The following LMF1 variants were observed in gnomAD, a reference collection of about 807,000 sequenced individuals.
LMF1 encodes transmembrane protein 112.
In LMF1, 68 loss-of-function variants were observed where a neutral mutation model predicts 60.6. That is an observed-to-expected ratio of 1.12 (90% CI 0.92 to 1.37). LMF1 has a LOEUF of 1.37. LMF1 is among the 40% of genes most tolerant of loss of function. The probability of loss-of-function intolerance (pLI) is 0.00; values close to 1 mark genes in which losing one functional copy is unlikely to be tolerated. For synonymous variants in LMF1, 418 were observed against 324.7 expected, an observed-to-expected ratio of 1.29 and a Z score of -3.09; for missense variants, 948 against 767.2, an observed-to-expected ratio of 1.24 and a Z score of -2.78.
intron 10 of LMF1, chr16:855,148 G>A (rs905994412): frequency 3.7e-5 from 10 of 268,354 alleles, no homozygotes; most frequent in South Asian, 3.0e-4. Context: ...CAGTCCTGGC[G>A]CAAGGTGCCT....
At chr16:909,461 G>A (rs1034710760) in intron 4 of LMF1, among the ~76,000 whole-genome samples, 2 of 151,726 alleles carry the variant, frequency 1.3e-5, no homozygotes, top group African/African-American at 2.4e-5. Context: ...GCGCTACAGC[G>A]AGCCACGCCA....
chr16:953,990 C>CACCCCA lies in LMF1; in HGVS notation c.503+366_503+367insTGGGGT, dbSNP rs2072587297. ...CCTCCTACATGTCCACACAGACACCCCAAACCAGCCTCCTACACGTCCACA... is the reference window on the plus strand; with the variant it reads ...CCTCCTACATGTCCACACAGACACCCACCCCACAAACCAGCCTCCTACACGTCCACA... On this transcript the variant is annotated intron_variant, in intron 2 of 10. Coordinates refer to ENST00000262301, the MANE Select transcript of LMF1 (RefSeq NM_022773.4). Among the ~76,000 whole-genome samples, 4 of 97,400 alleles carry CACCCCA rather than the reference C, an allele frequency of 4.1e-5. 1 individual carries two copies. The highest frequency in any genetic ancestry group is 6.6e-5 in the Non-Finnish European group (3 of 45,690). 63.9% of individuals were successfully genotyped at this position (97,400 alleles called of 152,430 possible).
At chr16:917,901 C>A (rs990225344) in intron 3 of LMF1, among the ~76,000 whole-genome samples, 9 of 152,228 alleles carry the variant, frequency 5.9e-5, no homozygotes, top group African/African-American at 2.2e-4. Flanking sequence ...CCTCCAGAAC[C>A]GGCCTGAGCT....
intron 10 of LMF1, chr16:856,202 G>A: frequency 2.9e-6 from 1 of 347,826 alleles, no homozygotes; most frequent in Non-Finnish European, 5.7e-6. Flanking sequence ...CTGGGCCCCA[G>A]GGGTCTTTCC....
intron 1 of LMF1, chr16:976,821 A>G (rs750358197): frequency 2.6e-5 from 12 of 454,024 alleles, no homozygotes; most frequent in Non-Finnish European, 4.4e-5. Context: ...CGCTTTGGGC[A>G]TCGCCTGCTC....
intron 6 of LMF1, chr16:872,007 C>A (rs1310262930): frequency 1.3e-5 from 2 of 152,288 alleles, no homozygotes; most frequent in African/African-American, 4.8e-5. Flanking sequence ...TCAGAGGGAC[C>A]CGCTTCTGGA....
intron 3 of LMF1, among the ~76,000 whole-genome samples, chr16:919,562 C>G (rs112200351): frequency 1.3e-5 from 2 of 148,558 alleles, no homozygotes. Flanking sequence ...CCCACAGACC[C>G]GCTCTGGACA....
At position 853,928 on chromosome 16, in the gene LMF1, C is replaced by A. The variant is rs1039748724; in HGVS notation, c.*604G>T. On this transcript the variant is annotated 3_prime_UTR_variant, in exon 11 of 11. Transcript: ENST00000262301. ...CACATGTGTGCACAGGCTGTGTGTGCCTGCATGTGTGGGATGCGTGTAGGC... is the reference window on the plus strand; with the variant it reads ...CACATGTGTGCACAGGCTGTGTGTGACTGCATGTGTGGGATGCGTGTAGGC... 34 of 453,964 alleles carry A rather than the reference C, an allele frequency of 7.5e-5. No homozygotes were observed. The East Asian group carries it at 8.3e-4, about 11-fold the overall frequency. The allele number at this position is 453,964 out of a possible 1,614,324, so 28.1% of individuals were successfully genotyped here.
At chr16:955,053 A>G (rs201381290) in intron 1 of LMF1, among the ~76,000 whole-genome samples, 14,541 of 72,968 alleles carry the variant, frequency 0.2, 677 homozygotes, top group African/African-American at 0.38. Context: ...ACATCTAAGT[A>G]AACTAGACAC....
intron 5 of LMF1, among the ~76,000 whole-genome samples, chr16:889,233 G>A (rs550768547): frequency 6.6e-6 from 1 of 152,232 alleles, no homozygotes; most frequent in African/African-American, 2.4e-5. Context: ...CAGGGGGCTG[G>A]CCCCTTCTCT....
chr16:971,964 C>CT (rs2073058220), upstream of LMF1, among the ~76,000 whole-genome samples: 1 of 152,214 alleles, frequency 6.6e-6, no homozygotes, highest in African/African-American at 2.4e-5. Context: ...GTATTCTTCT[C>CT]TTTTGCCTCT....
At chr16:964,134 G>C (rs1321557789) in intron 1 of LMF1, 2 of 455,942 alleles carry the variant, frequency 4.4e-6, no homozygotes, top group South Asian at 3.1e-5. Flanking sequence ...CTTTGTTTCA[G>C]AATCAGAAAG....
intron 6 of LMF1, among the ~76,000 whole-genome samples, chr16:876,321 G>A (rs1187895157): frequency 2.6e-5 from 4 of 152,216 alleles, no homozygotes; most frequent in East Asian, 1.9e-4. Context: ...CCGTGGAGAC[G>A]GAGGGTCGGC....
Position 931,775 on chromosome 16 carries a change from A to T in LMF1, c.514+2469T>A, listed in dbSNP as rs945337087. 29 of 1,287,044 alleles carry T rather than the reference A, an allele frequency of 2.3e-5. No homozygotes were observed. In the African/African-American group the frequency reaches 3.0e-4, roughly 13 times the overall value. 79.7% of individuals were successfully genotyped at this position (1,287,044 alleles called of 1,614,324 possible). On this transcript the variant is annotated intron_variant, in intron 3 of 10. Transcript: ENST00000262301. The stretch of plus-strand genomic sequence containing the variant: ...CTTCTGAATTTCTGCGCGACAGTCC[A>T]AAGTGACGTGCTGAGCCGCTGCAGG...
At chr16:917,683 G>C (rs2071320167) in intron 3 of LMF1, among the ~76,000 whole-genome samples, 1 of 152,238 alleles carries the variant, frequency 6.6e-6, no homozygotes, top group Non-Finnish European at 1.5e-5. Flanking sequence ...CCCGTACCGG[G>C]GCTGTTTGCA....
chr16:876,109 G>A (rs1291985341), intron 6 of LMF1, among the ~76,000 whole-genome samples: 1 of 152,232 alleles, frequency 6.6e-6, no homozygotes, highest in African/African-American at 2.4e-5. Flanking sequence ...ATGTGCCCGG[G>A]GCTCCGTCTG....
chr16:909,326 T>A (rs1596970522), intron 4 of LMF1, among the ~76,000 whole-genome samples: 1 of 152,186 alleles, frequency 6.6e-6, no homozygotes, highest in African/African-American at 2.4e-5. Flanking sequence ...AAAGAAGAGC[T>A]ATGCCCAGAC....
chr16:957,778 C>T (rs1398445676), intron 1 of LMF1, among the ~76,000 whole-genome samples: 2 of 152,152 alleles, frequency 1.3e-5, no homozygotes, highest in Non-Finnish European at 2.9e-5. Context: ...CAGACACAGC[C>T]CCCCTGCCCC....
chr16:973,443 C>T (rs1305271130), upstream of LMF1, among the ~76,000 whole-genome samples: 1 of 152,200 alleles, frequency 6.6e-6, no homozygotes, highest in Non-Finnish European at 1.5e-5. Flanking sequence ...AGGACAGACG[C>T]GGAGGTCATG....
Sources: gnomAD v4.1 joint callset for allele counts (sites outside exome capture counted in the v4.1 genomes callset) on GRCh38, gnomAD v4.1.1 for gene constraint, MANE v1.5 for transcripts, NCBI Gene and HGNC (gene_info 2026-07-23, HGNC 2026-07-21) for gene names.